The following TMEM192 variants were observed in gnomAD, a reference collection of about 807,000 sequenced individuals.
TMEM192 encodes the protein transmembrane protein 192.
In TMEM192, 20 loss-of-function variants were observed where a neutral mutation model predicts 26.7. The observed-to-expected ratio is 0.75, with a 90% CI of 0.53 to 1.09. The LOEUF (loss-of-function observed/expected upper bound fraction) is 1.09. Ranked by LOEUF, TMEM192 falls within the 50% of genes least tolerant of loss-of-function variation. The probability of loss-of-function intolerance (pLI) is 0.00; values close to 1 mark genes in which losing one functional copy is unlikely to be tolerated. For synonymous variants in TMEM192, 124 were observed against 121.0 expected, an observed-to-expected ratio of 1.02 and a Z score of -0.16; for missense variants, 304 against 322.6, an observed-to-expected ratio of 0.94 and a Z score of 0.44.
intron 1 of TMEM192, among the ~76,000 whole-genome samples, chr4:165,105,076 T>A (rs1168096834): frequency 6.6e-6 from 1 of 152,178 alleles, no homozygotes; most frequent in South Asian, 2.1e-4. Flanking sequence ...CCACCCTCCA[T>A]GTTTTTCAAA....
chr4:165,090,910 C>CAA (rs70952700), intron 3 of TMEM192, among the ~76,000 whole-genome samples: 1 of 51,020 alleles, frequency 2.0e-5, no homozygotes, highest in Non-Finnish European at 3.3e-5. Context: ...GACTCTGTCT[C>CAA]AAAAAAAAAA....
At chr4:165,107,353 A>C (rs527283319) in intron 1 of TMEM192, among the ~76,000 whole-genome samples, 50 of 147,852 alleles carry the variant, frequency 3.4e-4, no homozygotes, top group South Asian at 1.9e-3. Context: ...AAAACAAAAA[A>C]AAAAACAGGG....
At position 165,112,804 on chromosome 4, in the gene TMEM192, A is replaced by T; in HGVS notation, c.-31T>A. ...GACGCCGGAGGCCGAAGCCCTGGCC[A>T]GCCCGGCCTCTCCACCTGGACCTGT... On this transcript the variant is annotated 5_prime_UTR_variant, in exon 1 of 6. Coordinates refer to ENST00000306480, the MANE Select transcript of TMEM192 (RefSeq NM_001100389.2). 6.2e-7 allele frequency: 1 copy of T among 1,603,008 alleles called. No homozygotes were observed. Among genetic ancestry groups the T allele is most frequent in the Non-Finnish European group, 8.5e-7 (1 of 1,178,130 alleles).
chr4:165,089,024 G>C (rs1458374630), intron 3 of TMEM192, among the ~76,000 whole-genome samples: 1 of 97,138 alleles, frequency 1.0e-5, no homozygotes, highest in Non-Finnish European at 1.8e-5. Context: ...CTGGGCAACA[G>C]AGCAAGACCC....
Position 165,072,019 on chromosome 4 carries a change from G to A in TMEM192, c.*7639C>T, listed in dbSNP as rs1377344834. On this transcript the variant is annotated 3_prime_UTR_variant, in exon 6 of 6. Coordinates refer to ENST00000306480, the MANE Select transcript of TMEM192 (RefSeq NM_001100389.2). Reference sequence around the variant, plus strand: ...GTACTTTGGGAGGCCAAGGAGGGAGGATCATGAGGTCAGGAGTTCCAGACC... The same window carrying A: ...GTACTTTGGGAGGCCAAGGAGGGAGAATCATGAGGTCAGGAGTTCCAGACC... The A allele has an allele frequency of 6.6e-6, 1 of 152,088 alleles. No homozygotes were observed. The highest frequency in any genetic ancestry group is 1.5e-5 in the Non-Finnish European group (1 of 68,124). The allele number at this position is 152,088 out of a possible 1,614,324, so 9.4% of individuals were successfully genotyped here.
Position 165,079,261 on chromosome 4 carries a change from C to T in TMEM192, c.*397G>A, listed in dbSNP as rs558443777. On this transcript the variant is annotated 3_prime_UTR_variant, in exon 6 of 6. Transcript: ENST00000306480. Reference sequence around the variant, plus strand: ...TTCATCAGCTTAAAAGTGGGAAGAACTTATTTGATTAAAACCCTGTTTAAA... The same window carrying T: ...TTCATCAGCTTAAAAGTGGGAAGAATTTATTTGATTAAAACCCTGTTTAAA... 56 of 160,708 alleles carry T rather than the reference C, an allele frequency of 3.5e-4. No individual in the cohort carries two copies. Among genetic ancestry groups the T allele is most frequent in the Non-Finnish European group, 7.0e-4 (52 of 73,980 alleles). The allele number at this position is 160,708 out of a possible 1,614,324, so 10.0% of individuals were successfully genotyped here.
Position 165,103,085 on chromosome 4 carries a change from A to G in TMEM192, c.39T>C (p.Asp13=), listed in dbSNP as rs1735077093. 6.2e-7 allele frequency: 1 copy of G among 1,609,960 alleles called. No homozygotes were observed. The highest frequency in any genetic ancestry group is 1.3e-5 in the African/African-American group (1 of 74,774). ...AGGRMEDGSL[D]ITQSIEDDPL... ...GGTCGTCTTCAATACTCTGGGTGAT[A>G]TCCAAGGAACCCTGGGGTGCAGAAA... Residue 13 remains aspartate (D), a synonymous_variant, in exon 2 of 6, where the codon GAT becomes GAC. Coordinates refer to ENST00000306480, the MANE Select transcript of TMEM192 (RefSeq NM_001100389.2).
intron 3 of TMEM192, among the ~76,000 whole-genome samples, chr4:165,091,255 G>A (rs747071496): frequency 1.1e-4 from 16 of 151,962 alleles, no homozygotes; most frequent in African/African-American, 1.7e-4. Flanking sequence ...GTGACAGAGC[G>A]AGACTCCATT....
Position 165,106,512 on chromosome 4 carries a change from A to G in TMEM192, c.28-3416T>C, listed in dbSNP as rs1028975801. ...ACTGGGAGAGGAAGACCCACCCTCA[A>G]TATGGGCAAGCACCATCCAATCAGC... On this transcript the variant is annotated intron_variant, in intron 1 of 5. Transcript: ENST00000306480. Among the ~76,000 whole-genome samples, 6 of 152,248 alleles carry G rather than the reference A, an allele frequency of 3.9e-5. No individual in the cohort carries two copies. The East Asian group carries it at 7.7e-4, about 20-fold the overall frequency.
intron 5 of TMEM192, among the ~76,000 whole-genome samples, chr4:165,081,204 A>G (rs965007580): frequency 2.0e-5 from 3 of 149,996 alleles, no homozygotes; most frequent in Admixed American, 6.8e-5. Flanking sequence ...TTAGCACTTA[A>G]TATGTATAAA....
chr4:165,094,952 C>T (rs186577728), intron 3 of TMEM192, among the ~76,000 whole-genome samples: 3 of 148,116 alleles, frequency 2.0e-5, no homozygotes, highest in Non-Finnish European at 4.5e-5. Context: ...CCAGCCTGGG[C>T]AACAAGAGTG....
At chr4:165,098,956 C>T (rs2110779649) in intron 3 of TMEM192, among the ~76,000 whole-genome samples, 1 of 152,146 alleles carries the variant, frequency 6.6e-6, no homozygotes, top group East Asian at 1.9e-4. Flanking sequence ...TCCGCTTCGG[C>T]CTCCCAAAGT....
At chr4:165,089,814 T>A (rs1578903209) in intron 3 of TMEM192, among the ~76,000 whole-genome samples, 1 of 152,186 alleles carries the variant, frequency 6.6e-6, no homozygotes, top group East Asian at 1.9e-4. Flanking sequence ...TTTGGAGTAC[T>A]CAGCATGCCA....
At chr4:165,112,665 TCTCTGAGTCTCCGCCCCG>T (rs1735323157) in intron 1 of TMEM192, 64 bp downstream of exon 1, 1 of 1,576,922 alleles carries the variant, frequency 6.3e-7, no homozygotes, top group Admixed American at 1.8e-5. Context: ...GTGGCTTCCC[TCTCTGAGTCTCCGCCCCG>T]TGCGCCCCGG....
intron 3 of TMEM192, among the ~76,000 whole-genome samples, chr4:165,089,478 C>A (rs966161119): frequency 3.3e-5 from 5 of 152,104 alleles, no homozygotes; most frequent in Middle Eastern, 3.2e-3. Context: ...CCCGCCACCA[C>A]GCCCGGCTAA....
rs1419937846 is a variant in TMEM192 at position 165,088,467 on chromosome 4, C to T, written c.574+1G>A. Reference sequence around the variant, plus strand: ...AAGAACAGGCTCGTTGTAATTCTCACCTGTGTAAATGAGGAGACATATCAG... The same window carrying T: ...AAGAACAGGCTCGTTGTAATTCTCATCTGTGTAAATGAGGAGACATATCAG... On this transcript the variant is annotated splice_donor_variant, in intron 4 of 5. Transcript: ENST00000306480. LOFTEE classifies it high-confidence loss of function. 6.2e-7 allele frequency: 1 copy of T among 1,611,646 alleles called. No individual in the cohort carries two copies. The highest frequency in any genetic ancestry group is 1.7e-5 in the Admixed American group (1 of 59,560).
At chr4:165,101,249 T>G (rs1415988688) in intron 2 of TMEM192, among the ~76,000 whole-genome samples, 1 of 152,170 alleles carries the variant, frequency 6.6e-6, no homozygotes, top group Non-Finnish European at 1.5e-5. Flanking sequence ...GTGCTGGAAT[T>G]ACAGGTGTGA....
At chr4:165,088,157 T>C (rs1734669436) in intron 4 of TMEM192, among the ~76,000 whole-genome samples, 1 of 152,168 alleles carries the variant, frequency 6.6e-6, no homozygotes, top group Admixed American at 6.6e-5. Flanking sequence ...GTGATCCTTC[T>C]GCCTCATCCT....
At chr4:165,106,407 G>A (rs578179332) in intron 1 of TMEM192, among the ~76,000 whole-genome samples, 1 of 152,226 alleles carries the variant, frequency 6.6e-6, no homozygotes, top group African/African-American at 2.4e-5. Flanking sequence ...ACTTTGGGTA[G>A]CTCCCTATGA....
Sources: allele counts gnomAD v4.1 joint callset (sites outside exome capture counted in the v4.1 genomes callset), GRCh38; gene constraint gnomAD v4.1.1; transcripts MANE v1.5; gene names NCBI Gene and HGNC (gene_info 2026-07-23, HGNC 2026-07-21).